Variants in OLIG3 observed in about 807,000 individuals in gnomAD.
The protein encoded by OLIG3 is class B basic helix-loop-helix protein 7.
OLIG3 carries 12 observed loss-of-function variants against 14.7 expected under a neutral mutation model. That is an observed-to-expected ratio of 0.82 (90% confidence interval 0.52 to 1.32). The LOEUF (loss-of-function observed/expected upper bound fraction) is 1.32, where lower values mean the gene tolerates loss of function less well. OLIG3 is among the 40% of genes most tolerant of loss of function. The pLI is 0.00. For synonymous variants in OLIG3, 192 were observed against 171.4 expected, an observed-to-expected ratio of 1.12 and a Z score of -0.94; for missense variants, 405 against 373.7, an observed-to-expected ratio of 1.08 and a Z score of -0.69.
In OLIG3 at chr6:137,493,915, G is replaced by T. The variant is rs184407872; in HGVS notation, c.256C>A (p.Leu86Met). ...TTGCGTTCGCGTCCGTTGATCTTCA[G>T]CCTCAACTGCTGTAGGTCCTGCTCC... ...LSEQDLQQLR[L>M]KINGRERKRM... is the part of the protein sequence containing the mutation. The change falls in exon 1 of 1, where the codon CTG (leucine) becomes ATG (methionine). Residue 86 changes from leucine to methionine, a missense_variant. Transcript: ENST00000367734. This position sits in a 1 kb window ranked among gnomAD's most constrained non-coding sequence, Gnocchi z 6.1. 6.9e-4 allele frequency: 1,119 copies of T among 1,614,220 alleles called. 2 individuals are homozygous for T. Among genetic ancestry groups the T allele is most frequent in the Non-Finnish European group, 7.9e-4 (927 of 1,180,042 alleles).
Position 137,493,983 on chromosome 6 carries a change from G to A in OLIG3, c.188C>T (p.Ala63Val), listed in dbSNP as rs62434134. 15,247 of 1,613,840 alleles carry A rather than the reference G, an allele frequency of 9.4e-3. 102 individuals carry two copies. The highest frequency in any genetic ancestry group is 0.019 in the Middle Eastern group (114 of 6,060). Residue 63 changes from alanine to valine, a missense_variant, in exon 1 of 1, where the codon GCC (alanine) becomes GTC (valine). By Grantham distance (64) the Ala-to-Val change is moderately conservative. Coordinates refer to ENST00000367734, the MANE Select transcript of OLIG3 (RefSeq NM_175747.2). The surrounding 1 kb of genome is among the most constrained non-coding windows in gnomAD (Gnocchi z 6.1). ...GESLSRAGAK[A>V]AGESSKYKIK... is the part of the protein sequence containing the mutation. ...TTTGTACTTGCTGCTCTCTCCCGCG[G>A]CCTTGGCGCCAGCCCGCGAGAGGCT...
rs1416937990 is a variant in OLIG3, at chr6:137,493,102, G to A, written c.*250C>T. The A allele has an allele frequency of 2.0e-6, 1 of 491,732 alleles. No homozygotes were observed. Among genetic ancestry groups the A allele is most frequent in the Non-Finnish European group, 3.6e-6 (1 of 280,762 alleles). 30.5% of individuals were successfully genotyped at this position (491,732 alleles called of 1,614,324 possible). ...GGCGCGGCATGGGGAAAAGAAGCATGCATGCAAAACACACGACATCTGGTT... is the reference window on the plus strand; with the variant it reads ...GGCGCGGCATGGGGAAAAGAAGCATACATGCAAAACACACGACATCTGGTT... On this transcript the variant is annotated 3_prime_UTR_variant, in exon 1 of 1. Coordinates refer to ENST00000367734, the MANE Select transcript of OLIG3 (RefSeq NM_175747.2). This position sits in a 1 kb window ranked among gnomAD's most constrained non-coding sequence, Gnocchi z 6.1.
At position 137,494,332 on chromosome 6, in the gene OLIG3, C is replaced by A; in HGVS notation, c.-162G>T. The A allele has an allele frequency of 1.5e-6, 1 of 656,874 alleles. No homozygotes were observed. The highest frequency in any genetic ancestry group is 2.7e-6 in the Non-Finnish European group (1 of 376,520). The allele number at this position is 656,874 out of a possible 1,614,324, so 40.7% of individuals were successfully genotyped here. The stretch of plus-strand genomic sequence containing the variant: ...ACGCTGCTTTTCCCCGCCTCTCTCC[C>A]TCCCACGCCCCTCTCTCTGGTTAGG... On this transcript the variant is annotated 5_prime_UTR_variant, in exon 1 of 1. It adds an upstream start codon to the 5' untranslated region. Coordinates refer to ENST00000367734, the MANE Select transcript of OLIG3 (RefSeq NM_175747.2).
rs369607107 is a variant in OLIG3 at position 137,493,185 on chromosome 6, G to A, written c.*167C>T. 1 of 565,110 alleles carries A rather than the reference G, an allele frequency of 1.8e-6. No homozygotes were observed. Among genetic ancestry groups the A allele is most frequent in the South Asian group, 2.7e-5 (1 of 37,568 alleles). 35.0% of individuals were successfully genotyped at this position (565,110 alleles called of 1,614,324 possible). ...GGTTTGATTTTGGTCCTTTCCCTCC[G>A]GGGGTCAAGTGGAGTCTGAGATCTC... On this transcript the variant is annotated 3_prime_UTR_variant, in exon 1 of 1. Coordinates refer to ENST00000367734, the MANE Select transcript of OLIG3 (RefSeq NM_175747.2). The surrounding 1 kb of genome is among the most constrained non-coding windows in gnomAD (Gnocchi z 6.1).
Position 137,494,042 on chromosome 6 carries a change from CG to C in OLIG3, c.128del (p.Thr43SerfsTer5). ...GCATCTTCTGCATCATATCGCCCTG[CG>C]TGGACGAGACCGAGTTGAGACGGCT... ...QESRLNSVSS[T>X]QGDMMQKMPG... On this transcript the variant is annotated frameshift_variant, in exon 1 of 1. Coordinates refer to ENST00000367734, the MANE Select transcript of OLIG3 (RefSeq NM_175747.2). LOFTEE classifies it high-confidence loss of function. 6.2e-7 allele frequency: 1 copy of C among 1,611,836 alleles called. No individual in the cohort carries two copies. The highest frequency in any genetic ancestry group is 8.5e-7 in the Non-Finnish European group (1 of 1,179,648).
At position 137,494,092 on chromosome 6, in the gene OLIG3, G is replaced by C. The variant is rs147025211; in HGVS notation, c.79C>G (p.His27Asp). The C allele has an allele frequency of 5.0e-6, 8 of 1,612,612 alleles. No homozygotes were observed. In the African/African-American group the frequency reaches 1.1e-4, roughly 21 times the overall value. Residue 27 changes from histidine to aspartate, a missense_variant, in exon 1 of 1, where the codon CAC becomes GAC. By Grantham distance (81) the His-to-Asp change is moderately conservative (BLOSUM62 -1). Coordinates refer to ENST00000367734, the MANE Select transcript of OLIG3 (RefSeq NM_175747.2). ...MDEMYLRDHH[H>D]RHHHHQESRL... ...CTCTCCTGGTGGTGGTGGTGGCGGTGGTGGTGGTCCCTCAGGTACATCTCA... is the reference window on the plus strand; with the variant it reads ...CTCTCCTGGTGGTGGTGGTGGCGGTCGTGGTGGTCCCTCAGGTACATCTCA...
chr6:137,494,273 T>C lies in OLIG3; in HGVS notation c.-103A>G. The C allele has an allele frequency of 1.0e-6, 1 of 981,506 alleles. No homozygotes were observed. The highest frequency in any genetic ancestry group is 1.5e-6 in the Non-Finnish European group (1 of 655,000). The allele number at this position is 981,506 out of a possible 1,614,324, so 60.8% of individuals were successfully genotyped here. A position where few individuals can be genotyped will look rare whatever the true frequency, so the allele number is the denominator to read the frequency against. On this transcript the variant is annotated 5_prime_UTR_variant, in exon 1 of 1. Coordinates refer to ENST00000367734, the MANE Select transcript of OLIG3 (RefSeq NM_175747.2). ...AAATCTGCACTGCCCAGGAACCCAC[T>C]TCTCCGCGGCAAGACGTGAGAAGAA... is the stretch of plus-strand genomic sequence containing the variant.
rs1412180516 is a variant in OLIG3 at position 137,494,221 on chromosome 6, T to G, written c.-51A>C. 27 of 1,454,854 alleles carry G rather than the reference T, an allele frequency of 1.9e-5. No individual in the cohort carries two copies. Among genetic ancestry groups the G allele is most frequent in the Non-Finnish European group, 2.5e-5 (27 of 1,078,658 alleles). 90.1% of individuals were successfully genotyped at this position (1,454,854 alleles called of 1,614,324 possible). ...CGTGGGGAGGCTTTAGGCGGGAAAT[T>G]AAAGAAAATCTTGAATTAAAAAAAA... On this transcript the variant is annotated 5_prime_UTR_variant, in exon 1 of 1. Transcript: ENST00000367734.
Position 137,493,028 on chromosome 6 carries a change from T to C in OLIG3, c.*324A>G. The C allele has an allele frequency of 3.3e-6, 1 of 298,512 alleles. No homozygotes were observed. The highest frequency in any genetic ancestry group is 7.4e-5 in the East Asian group (1 of 13,452). The allele number at this position is 298,512 out of a possible 1,614,324, so 18.5% of individuals were successfully genotyped here. On this transcript the variant is annotated 3_prime_UTR_variant, in exon 1 of 1. Coordinates refer to ENST00000367734, the MANE Select transcript of OLIG3 (RefSeq NM_175747.2). This position sits in a 1 kb window ranked among gnomAD's most constrained non-coding sequence, Gnocchi z 6.1. ...TTTTTAACTACACCGATCCCATCTT[T>C]ATACAACAAATGCAGTTTTGACAAG... is the stretch of plus-strand genomic sequence containing the variant.
In OLIG3 at chr6:137,493,343, G is replaced by GC; in HGVS notation, c.*8dup. The GC allele has an allele frequency of 6.5e-7, 1 of 1,542,476 alleles. No individual in the cohort carries two copies. Among genetic ancestry groups the GC allele is most frequent in the African/African-American group, 1.4e-5 (1 of 72,384 alleles). On this transcript the variant is annotated 3_prime_UTR_variant, in exon 1 of 1. Coordinates refer to ENST00000367734, the MANE Select transcript of OLIG3 (RefSeq NM_175747.2). This position sits in a 1 kb window ranked among gnomAD's most constrained non-coding sequence, Gnocchi z 6.1. ...TCCCTCCTCCTTGGCAGCCGGGCCCGCCCGCTGCTCACTTGAGCAAGTCCT... is the reference window on the plus strand; with the variant it reads ...TCCCTCCTCCTTGGCAGCCGGGCCCGCCCCGCTGCTCACTTGAGCAAGTCCT...
Position 137,493,555 on chromosome 6 carries a change from T to C in OLIG3, c.616A>G (p.Ile206Val), listed in dbSNP as rs190573609. 889 of 1,586,222 alleles carry C rather than the reference T, an allele frequency of 5.6e-4. 13 individuals are homozygous for C. In the East Asian group the frequency reaches 0.019, roughly 34 times the overall value. ...SPLSAASLPAIGTIRPPHSLL... is the reference protein window; with the variant it reads ...SPLSAASLPAVGTIRPPHSLL... ...GAGTGGGGAGGCCGGATGGTGCCGA[T>C]GGCGGGAAGTGAGGCGGCGGACAGC... Residue 206 changes from isoleucine (I) to valine (V), a missense_variant, in exon 1 of 1, where the codon ATC (isoleucine) becomes GTC (valine). Ile to Val is a conservative substitution (Grantham distance 29, BLOSUM62 3). Transcript: ENST00000367734. This position sits in a 1 kb window ranked among gnomAD's most constrained non-coding sequence, Gnocchi z 6.1.
rs1225427694 is a variant in OLIG3 at position 137,492,303 on chromosome 6, C to G, written c.*1049G>C. ...ATATATAAAAAATAAAGACAGGTAT[C>G]GTCTTTGAGGCCCTAACAAAATATT... is the stretch of plus-strand genomic sequence containing the variant. On this transcript the variant is annotated 3_prime_UTR_variant, in exon 1 of 1. Coordinates refer to ENST00000367734, the MANE Select transcript of OLIG3 (RefSeq NM_175747.2). 6.6e-6 allele frequency: 1 copy of G among 152,630 alleles called. No individual in the cohort carries two copies. Among genetic ancestry groups the G allele is most frequent in the African/African-American group, 2.4e-5 (1 of 41,422 alleles). The allele number at this position is 152,630 out of a possible 1,614,324, so 9.5% of individuals were successfully genotyped here. A position where few individuals can be genotyped will look rare whatever the true frequency, so the allele number is the denominator to read the frequency against.
In OLIG3 at chr6:137,493,710, C is replaced by G. The variant is rs755277343; in HGVS notation, c.461G>C (p.Gly154Ala). Residue 154 changes from glycine (G) to alanine (A), a missense_variant, in exon 1 of 1, where the codon GGC becomes GCC. Gly to Ala is a moderately conservative substitution (Grantham distance 60, BLOSUM62 0). This residue lies in a region of OLIG3 where 230 missense variants were observed against 178.5 expected (regional missense o/e 1.29). Coordinates refer to ENST00000367734, the MANE Select transcript of OLIG3 (RefSeq NM_175747.2). The surrounding 1 kb of genome is among the most constrained non-coding windows in gnomAD (Gnocchi z 6.1). ...CCCGCAGTGAAAGGCCGAGTGGTGG[C>G]CCCCATAGATCTCGCCAACCAGCCT... ...MKRLVGEIYG[G>A]HHSAFHCGTV... 1 of 1,613,072 alleles carries G rather than the reference C, an allele frequency of 6.2e-7. No homozygotes were observed. Among genetic ancestry groups the G allele is most frequent in the East Asian group, 2.2e-5 (1 of 44,882 alleles).
rs1284803282 is a variant in OLIG3, at chr6:137,493,587, G to A, written c.584C>T (p.Ser195Leu). The stretch of plus-strand genomic sequence containing the variant: ...AAGTGAGGCGGCGGACAGCGGTGAC[G>A]AGGCGTTGCCAGATGAGAGCGCGCC... ...LGGALSSGNA[S>L]SPLSAASLPA... Residue 195 changes from serine to leucine, a missense_variant, in exon 1 of 1, where the codon TCG becomes TTG. Physicochemically the swap from Ser to Leu is moderately radical, Grantham distance 145 (BLOSUM62 -2). Coordinates refer to ENST00000367734, the MANE Select transcript of OLIG3 (RefSeq NM_175747.2). The surrounding 1 kb of genome is among the most constrained non-coding windows in gnomAD (Gnocchi z 6.1). 4 of 1,597,310 alleles carry A rather than the reference G, an allele frequency of 2.5e-6. No individual in the cohort carries two copies. Among genetic ancestry groups the A allele is most frequent in the Non-Finnish European group, 3.4e-6 (4 of 1,173,912 alleles).
rs1042349643 is a variant in OLIG3 at position 137,494,069 on chromosome 6, C to T, written c.102G>A (p.Glu34=). 2 of 1,612,392 alleles carry T rather than the reference C, an allele frequency of 1.2e-6. No homozygotes were observed. Among genetic ancestry groups the T allele is most frequent in the Admixed American group, 1.7e-5 (1 of 60,004 alleles). The part of the protein sequence containing the change: ...DHHHRHHHHQ[E]SRLNSVSSTQ... ...TGGACGAGACCGAGTTGAGACGGCT[C>T]TCCTGGTGGTGGTGGTGGCGGTGGT... Residue 34 remains glutamate (E), a synonymous_variant, in exon 1 of 1, where the codon GAG becomes GAA. Transcript: ENST00000367734.
rs889306215 is a variant in OLIG3 at position 137,492,718 on chromosome 6, A to G, written c.*634T>C. ...AGACAAGATTCATTTAGAAGCGTGC[A>G]TGCATTCTTTTGACCTACACTGCGT... On this transcript the variant is annotated 3_prime_UTR_variant, in exon 1 of 1. Transcript: ENST00000367734. The G allele has an allele frequency of 1.3e-5, 2 of 152,798 alleles. No homozygotes were observed. The highest frequency in any genetic ancestry group is 1.5e-5 in the Non-Finnish European group (1 of 68,058). 9.5% of individuals were successfully genotyped at this position (152,798 alleles called of 1,614,324 possible).
chr6:137,493,499 C>G lies in OLIG3; in HGVS notation c.672G>C (p.Ala224=). The G allele has an allele frequency of 6.4e-7, 1 of 1,571,898 alleles. No individual in the cohort carries two copies. Among genetic ancestry groups the G allele is most frequent in the Non-Finnish European group, 8.6e-7 (1 of 1,162,560 alleles). ...GCTGGAAGCCGCTGCCCAGCTGCAGCGCGGGCGGCGTGGAGGGCGCCTTGA... is the reference window on the plus strand; with the variant it reads ...GCTGGAAGCCGCTGCCCAGCTGCAGGGCGGGCGGCGTGGAGGGCGCCTTGA... ...SLLKAPSTPP[A]LQLGSGFQHW... The change falls in exon 1 of 1, where the codon GCG becomes GCC. Residue 224 remains alanine (A), a synonymous_variant. Coordinates refer to ENST00000367734, the MANE Select transcript of OLIG3 (RefSeq NM_175747.2). This position sits in a 1 kb window ranked among gnomAD's most constrained non-coding sequence, Gnocchi z 6.1.
chr6:137,493,353 C>A lies in OLIG3; in HGVS notation c.818G>T (p.Ter273LeuextTer47). ...LSAESKDLLK[*>L] ...TTGGCAGCCGGGCCCGCCCGCTGCT[C>A]ACTTGAGCAAGTCCTTGGACTCGGC... The change falls in exon 1 of 1, where the codon TGA becomes TTA. Residue 273 changes from the stop codon to leucine, a stop_lost. Transcript: ENST00000367734. The surrounding 1 kb of genome is among the most constrained non-coding windows in gnomAD (Gnocchi z 6.1). 6.4e-7 allele frequency: 1 copy of A among 1,571,918 alleles called. No homozygotes were observed. The highest frequency in any genetic ancestry group is 8.6e-7 in the Non-Finnish European group (1 of 1,168,550).
Position 137,493,346 on chromosome 6 carries a change from C to G in OLIG3, c.*6G>C. On this transcript the variant is annotated 3_prime_UTR_variant, in exon 1 of 1. Transcript: ENST00000367734. This position sits in a 1 kb window ranked among gnomAD's most constrained non-coding sequence, Gnocchi z 6.1. ...CTCCTCCTTGGCAGCCGGGCCCGCCCGCTGCTCACTTGAGCAAGTCCTTGG... is the reference window on the plus strand; with the variant it reads ...CTCCTCCTTGGCAGCCGGGCCCGCCGGCTGCTCACTTGAGCAAGTCCTTGG... The G allele has an allele frequency of 1.3e-6, 2 of 1,550,614 alleles. No individual in the cohort carries two copies. The highest frequency in any genetic ancestry group is 1.7e-6 in the Non-Finnish European group (2 of 1,158,954).
Sources: gnomAD v4.1 joint callset for allele counts on GRCh38, gnomAD v4.1.1 for gene constraint, gnomAD v4.1.1 regional missense constraint, Gnocchi (gnomAD v3.1) non-coding constraint, MANE v1.5 for transcripts, NCBI Gene and HGNC (gene_info 2026-07-23, HGNC 2026-07-21) for gene names.